The following LPP variants were observed in gnomAD, a reference collection of about 807,000 sequenced individuals.
LPP encodes the protein lipoma-preferred partner.
A neutral mutation model predicts 60.4 loss-of-function variants in LPP; 38 were observed. The ratio of observed to expected loss-of-function variants is 0.63; its 90% CI spans 0.49 to 0.83. The LOEUF (loss-of-function observed/expected upper bound fraction) is 0.83, where lower values mean the gene tolerates loss of function less well. Among genes scored for constraint, LPP ranks in the 40% least tolerant of loss-of-function variants. The pLI is 0.00. For missense variants in LPP, 902 were observed against 783.6 expected, an observed-to-expected ratio of 1.15 and a Z score of -1.80; for synonymous variants, 328 against 290.8, an observed-to-expected ratio of 1.13 and a Z score of -1.30.
chr3:188,273,672 T>A (rs906674282), intron 2 of LPP, among the ~76,000 whole-genome samples: 2 of 142,166 alleles, frequency 1.4e-5, no homozygotes, highest in Non-Finnish European at 3.0e-5. Flanking sequence ...CTCGGCTTAC[T>A]GCAACCTCCA....
intron 3 of LPP, among the ~76,000 whole-genome samples, chr3:188,377,774 G>A (rs1376060595): frequency 6.6e-6 from 1 of 152,172 alleles, no homozygotes; most frequent in African/African-American, 2.4e-5. Flanking sequence ...TGGAGGAGGA[G>A]TGGCGCTCTG....
chr3:188,383,148 A>C (rs1048683642), intron 3 of LPP, among the ~76,000 whole-genome samples: 1 of 152,142 alleles, frequency 6.6e-6, no homozygotes, highest in Non-Finnish European at 1.5e-5. Flanking sequence ...TTTTGGATGA[A>C]ATTACTGACG....
Position 188,743,886 on chromosome 3 carries a change from A to G in LPP, c.1241-16227A>G, listed in dbSNP as rs1577306309. ...ATTCATAGATTATTGAGCCTCAGATATCTGTTTGCCATCTGGTCTGGTCAG... is the reference window on the plus strand; with the variant it reads ...ATTCATAGATTATTGAGCCTCAGATGTCTGTTTGCCATCTGGTCTGGTCAG... On this transcript the variant is annotated intron_variant, in intron 8 of 11. Transcript: ENST00000617246. 2.0e-5 allele frequency: 3 copies of G among 152,110 alleles called. No homozygotes were observed. In the South Asian group the frequency reaches 6.2e-4, roughly 32 times the overall value. The allele number at this position is 152,110 out of a possible 1,614,324, so 9.4% of individuals were successfully genotyped here.
intron 9 of LPP, among the ~76,000 whole-genome samples, chr3:188,854,193 T>C (rs144204480): frequency 1.7e-4 from 26 of 152,350 alleles, no homozygotes; most frequent in African/African-American, 6.3e-4. Flanking sequence ...TAAGCAGTTA[T>C]AGAATGGAAA....
chr3:188,378,635 G>C (rs1164470739), intron 3 of LPP, among the ~76,000 whole-genome samples: 1 of 152,108 alleles, frequency 6.6e-6, no homozygotes, highest in African/African-American at 2.4e-5. Context: ...ACTAGGAAAG[G>C]GAATTCCCTG....
At chr3:188,701,534 G>A (rs1365761389) in intron 7 of LPP, among the ~76,000 whole-genome samples, 2 of 152,246 alleles carry the variant, frequency 1.3e-5, no homozygotes, top group Admixed American at 1.3e-4. Context: ...TTATCTCCAT[G>A]TGGTAGTTCA....
At chr3:188,521,011 C>T (rs376445047) in intron 5 of LPP, among the ~76,000 whole-genome samples, 2 of 151,884 alleles carry the variant, frequency 1.3e-5, no homozygotes, top group African/African-American at 2.4e-5. Flanking sequence ...TCCCCTAAAT[C>T]GAAAGGTAAA....
intron 2 of LPP, among the ~76,000 whole-genome samples, chr3:188,264,788 C>G (rs1015647712): frequency 2.9e-4 from 44 of 151,340 alleles, no homozygotes; most frequent in South Asian, 6.2e-4. Flanking sequence ...CTCTCTCTCT[C>G]TGTGTGTGTC....
At chr3:188,842,623 T>A (rs1760322938) in intron 9 of LPP, among the ~76,000 whole-genome samples, 1 of 152,132 alleles carries the variant, frequency 6.6e-6, no homozygotes, top group Non-Finnish European at 1.5e-5. Flanking sequence ...TCAAATGAGC[T>A]ATAGAATTAA....
intron 2 of LPP, among the ~76,000 whole-genome samples, chr3:188,315,036 T>G (rs1754629634): frequency 6.6e-6 from 1 of 151,982 alleles, no homozygotes; most frequent in Non-Finnish European, 1.5e-5. Context: ...CTTATTGCCT[T>G]TTTTGGAGTG....
In LPP at chr3:188,875,251, A is replaced by T. The variant is rs569306144; in HGVS notation, c.*772A>T. 1 of 218,888 alleles carries T rather than the reference A, an allele frequency of 4.6e-6. No individual in the cohort carries two copies. The highest frequency in any genetic ancestry group is 5.8e-5 in the Admixed American group (1 of 17,308). The allele number at this position is 218,888 out of a possible 1,614,324, so 13.6% of individuals were successfully genotyped here. ...ATTTTGGGGTTATGTTTAAAAAAACATTATTGTCCCACAATATTACCTTAA... is the reference window on the plus strand; with the variant it reads ...ATTTTGGGGTTATGTTTAAAAAAACTTTATTGTCCCACAATATTACCTTAA... On this transcript the variant is annotated 3_prime_UTR_variant, in exon 12 of 12. Coordinates refer to ENST00000617246, the MANE Select transcript of LPP (RefSeq NM_001375462.1).
intron 1 of LPP, among the ~76,000 whole-genome samples, chr3:188,219,224 TA>T (rs1273010449): frequency 6.6e-6 from 1 of 152,196 alleles, no homozygotes; most frequent in Non-Finnish European, 1.5e-5. Context: ...GCACCCTTGA[TA>T]AAAGGAAGTA....
chr3:188,312,692 T>C (rs1402402645), intron 2 of LPP: 2 of 152,200 alleles, frequency 1.3e-5, no homozygotes, highest in African/African-American at 4.8e-5. Flanking sequence ...ACACTGTTTA[T>C]TGAGGAGTCC....
chr3:188,751,266 T>C (rs563295518), intron 8 of LPP, among the ~76,000 whole-genome samples: 2 of 152,268 alleles, frequency 1.3e-5, no homozygotes, highest in African/African-American at 4.8e-5. Flanking sequence ...ACCCTTTGAG[T>C]GGACCTAAGG....
chr3:188,485,794 C>G lies in LPP; in HGVS notation c.306+1090C>G, dbSNP rs1208622652. On this transcript the variant is annotated intron_variant, in intron 5 of 11. Coordinates refer to ENST00000617246, the MANE Select transcript of LPP (RefSeq NM_001375462.1). ...CCTGGGCGACAGAGCGAGACTCCGT[C>G]TCAAAAAAAAAAAAAAAAAATGGAA... Among the ~76,000 whole-genome samples, 3 of 1,350 alleles carry G rather than the reference C, an allele frequency of 2.2e-3. No individual in the cohort carries two copies. In the Non-Finnish European group the frequency reaches 0.047, roughly 21 times the overall value. The allele number at this position is 1,350 out of a possible 152,430, so 0.9% of individuals were successfully genotyped here.
At chr3:188,873,312 T>C (rs924952469) in intron 11 of LPP, among the ~76,000 whole-genome samples, 40 of 152,346 alleles carry the variant, frequency 2.6e-4, no homozygotes, top group African/African-American at 9.4e-4. Flanking sequence ...TTTCATTCTA[T>C]GTCAAATGAA....
intron 2 of LPP, among the ~76,000 whole-genome samples, chr3:188,339,385 A>G (rs1235994655): frequency 6.6e-6 from 1 of 152,228 alleles, no homozygotes. Context: ...ATTGCTTAAA[A>G]TGAGACTGAT....
chr3:188,717,535 A>G (rs1290382739), intron 8 of LPP, among the ~76,000 whole-genome samples: 2 of 152,212 alleles, frequency 1.3e-5, no homozygotes, highest in African/African-American at 4.8e-5. Context: ...AAATTAGACA[A>G]TAAGTGGCTT....
At chr3:188,434,942 G>T (rs1219677112) in intron 4 of LPP, among the ~76,000 whole-genome samples, 1 of 152,126 alleles carries the variant, frequency 6.6e-6, no homozygotes, top group Non-Finnish European at 1.5e-5. Flanking sequence ...AAAGATCTGT[G>T]CTAGGAACAA....
Sources: allele counts gnomAD v4.1 joint callset (sites outside exome capture counted in the v4.1 genomes callset), GRCh38; gene constraint gnomAD v4.1.1; transcripts MANE v1.5; gene names NCBI Gene and HGNC (gene_info 2026-07-23, HGNC 2026-07-21).